Variants in KCNMA1 observed in about 807,000 individuals in gnomAD.
The protein encoded by KCNMA1 is Calcium-activated potassium channel subunit alpha-1.
A neutral mutation model predicts 140.0 loss-of-function variants in KCNMA1; 29 were observed. The ratio of observed to expected loss-of-function variants is 0.21; its 90% confidence interval spans 0.15 to 0.28. The LOEUF (loss-of-function observed/expected upper bound fraction) is 0.28, where lower values mean the gene tolerates loss of function less well. KCNMA1 is among the 10% of genes least tolerant of loss of function. The pLI is 1.00. For synonymous variants in KCNMA1, 612 were observed against 611.9 expected, an observed-to-expected ratio of 1.00 and a Z score of 0.00; for missense variants, 880 against 1,602.2, an observed-to-expected ratio of 0.55 and a Z score of 7.70.
intron 1 of KCNMA1, among the ~76,000 whole-genome samples, chr10:77,448,869 AC>A (rs2097577268): frequency 6.6e-6 from 1 of 152,144 alleles, no homozygotes; most frequent in African/African-American, 2.4e-5. Context: ...CGGGCAGATT[AC>A]GAGGTCAGGA....
At chr10:77,637,138 CGGCG>C in intron 1 of KCNMA1, 123 bp downstream of exon 1, 3 of 1,247,354 alleles carry the variant, frequency 2.4e-6, no homozygotes, top group Non-Finnish European at 2.2e-6. Flanking sequence ...GAAGGGAAGG[CGGCG>C]AGGGGAAGGC....
chr10:77,596,453 T>C (rs991862104), intron 1 of KCNMA1, among the ~76,000 whole-genome samples: 2 of 152,132 alleles, frequency 1.3e-5, no homozygotes, highest in Admixed American at 1.3e-4. Flanking sequence ...ATCACACAAA[T>C]ACATTTGGCT....
intron 2 of KCNMA1, 76 bp downstream of exon 2, chr10:77,403,786 T>C (rs2096367389): frequency 1.4e-6 from 2 of 1,435,326 alleles, no homozygotes; most frequent in Admixed American, 1.9e-5. Context: ...CCCTGGGGAA[T>C]ATCACGTCTC....
At chr10:77,025,996 A>AT (rs1565619065) in intron 16 of KCNMA1, among the ~76,000 whole-genome samples, 6 of 135,822 alleles carry the variant, frequency 4.4e-5, no homozygotes, top group South Asian at 4.9e-4. Context: ...GAAGAAAAAA[A>AT]AAATATATAT....
intron 5 of KCNMA1, among the ~76,000 whole-genome samples, chr10:77,152,092 T>C (rs1472241361): frequency 6.6e-6 from 1 of 152,166 alleles, no homozygotes. Context: ...TTTTTGCCTA[T>C]GGTTTAGGAC....
chr10:77,487,547 T>C (rs1438989489), intron 1 of KCNMA1, among the ~76,000 whole-genome samples: 3 of 152,104 alleles, frequency 2.0e-5, no homozygotes, highest in Admixed American at 6.6e-5. Context: ...CACACCCCCA[T>C]TGCACCTTCA....
intron 16 of KCNMA1, among the ~76,000 whole-genome samples, chr10:77,021,426 A>G (rs955607255): frequency 3.3e-5 from 5 of 152,242 alleles, no homozygotes; most frequent in African/African-American, 1.2e-4. Flanking sequence ...CTAGGTGATT[A>G]TAAAACTGAG....
At chr10:77,321,987 C>T (rs979813492) in intron 2 of KCNMA1, among the ~76,000 whole-genome samples, 1 of 152,166 alleles carries the variant, frequency 6.6e-6, no homozygotes, top group South Asian at 2.1e-4. Flanking sequence ...ATTCCAAAGG[C>T]ATAACACTTA....
chr10:77,286,564 C>A (rs1325025083), intron 2 of KCNMA1, among the ~76,000 whole-genome samples: 1 of 152,128 alleles, frequency 6.6e-6, no homozygotes, highest in African/African-American at 2.4e-5. Flanking sequence ...AGACAGTGTT[C>A]TGTGATACCT....
intron 23 of KCNMA1, among the ~76,000 whole-genome samples, chr10:76,923,865 C>T (rs1462324398): frequency 2.0e-5 from 3 of 151,962 alleles, no homozygotes; most frequent in African/African-American, 7.3e-5. Context: ...ATTAGCTGGG[C>T]ATGGTAGGGT....
At chr10:77,220,282 G>A (rs940497465) in intron 3 of KCNMA1, among the ~76,000 whole-genome samples, 7 of 152,174 alleles carry the variant, frequency 4.6e-5, no homozygotes, top group Non-Finnish European at 1.0e-4. Context: ...AGGCTGATTT[G>A]CTCAAAGTCA....
intron 1 of KCNMA1, among the ~76,000 whole-genome samples, chr10:77,483,654 T>C (rs571697662): frequency 6.6e-6 from 1 of 152,176 alleles, no homozygotes; most frequent in South Asian, 2.1e-4. Flanking sequence ...GATGGGTGTA[T>C]GGCCACGGGA....
At chr10:77,427,563 C>T (rs2097039122) in intron 1 of KCNMA1, among the ~76,000 whole-genome samples, 1 of 152,118 alleles carries the variant, frequency 6.6e-6, no homozygotes, top group African/African-American at 2.4e-5. Flanking sequence ...CTTCCCTCCC[C>T]TCTCTTTTTG....
intron 1 of KCNMA1, among the ~76,000 whole-genome samples, chr10:77,491,431 C>A (rs1017595850): frequency 3.3e-5 from 5 of 152,122 alleles, no homozygotes; most frequent in African/African-American, 9.7e-5. Flanking sequence ...AGATTCCCCC[C>A]ACGGCGTGCT....
chr10:77,430,619 C>T (rs996368838), intron 1 of KCNMA1, among the ~76,000 whole-genome samples: 1 of 152,176 alleles, frequency 6.6e-6, no homozygotes, highest in Non-Finnish European at 1.5e-5. Context: ...TTTCTGTTCC[C>T]CAGGAGAACA....
chr10:77,268,120 G>A (rs771025081), intron 2 of KCNMA1, among the ~76,000 whole-genome samples: 4 of 152,072 alleles, frequency 2.6e-5, no homozygotes, highest in Non-Finnish European at 4.4e-5. Flanking sequence ...GTTGCACTTG[G>A]GTCCTTGGAG....
chr10:77,150,927 G>A (rs1162876607), intron 5 of KCNMA1, among the ~76,000 whole-genome samples: 1 of 151,998 alleles, frequency 6.6e-6, no homozygotes, highest in East Asian at 1.9e-4. Flanking sequence ...TGGGAGTGTT[G>A]GTAATAGATA....
chr10:77,400,299 C>T (rs1280500300), intron 2 of KCNMA1, among the ~76,000 whole-genome samples: 2 of 152,236 alleles, frequency 1.3e-5, no homozygotes, highest in African/African-American at 4.8e-5. Context: ...GCAGGTCCCA[C>T]TTGCTCTGCA....
At chr10:77,053,182 G>A (rs1316154216) in intron 14 of KCNMA1, among the ~76,000 whole-genome samples, 2 of 152,142 alleles carry the variant, frequency 1.3e-5, no homozygotes, top group East Asian at 3.9e-4. Flanking sequence ...ATGCTCACCT[G>A]TCCCATGAGC....
Sources: gnomAD v4.1 joint callset for allele counts (sites outside exome capture counted in the v4.1 genomes callset) on GRCh38, gnomAD v4.1.1 for gene constraint, MANE v1.5 for transcripts, NCBI Gene and HGNC (gene_info 2026-07-23, HGNC 2026-07-21) for gene names.